SPTLC1: variants seen among roughly 807,000 people sequenced by gnomAD.
SPTLC1 encodes the protein serine palmitoyltransferase 1.
A neutral mutation model predicts 68.9 loss-of-function variants in SPTLC1; 55 were observed. The ratio of observed to expected loss-of-function variants is 0.80; its 90% CI spans 0.64 to 1.00. SPTLC1 has a LOEUF of 1.00. SPTLC1 is among the 50% of genes least tolerant of loss of function. The pLI is 0.00. For missense variants in SPTLC1, 449 were observed against 573.1 expected (o/e 0.78, Z 2.21); for synonymous variants, 197 against 201.6 (o/e 0.98, Z 0.19).
chr9:92,115,201 C>G, intron 1 of SPTLC1, 113 bp downstream of exon 1: 1 of 1,048,788 alleles, frequency 9.5e-7, no homozygotes, highest in South Asian at 1.3e-5. Context: ...GGCACCGAGT[C>G]TGGGCGTGAC....
intron 7 of SPTLC1, among the ~76,000 whole-genome samples, chr9:92,057,269 T>C (rs1164159611): frequency 6.6e-6 from 1 of 152,106 alleles, no homozygotes; most frequent in Non-Finnish European, 1.5e-5. Flanking sequence ...GATTTAGTTG[T>C]TTCCTTCATT....
At chr9:92,043,804 C>A (rs1482012446) in intron 12 of SPTLC1, among the ~76,000 whole-genome samples, 2 of 152,178 alleles carry the variant, frequency 1.3e-5, no homozygotes, top group East Asian at 3.8e-4. Flanking sequence ...AGTAATTTTG[C>A]TAGGGTATCA....
At chr9:92,038,449 A>G in intron 12 of SPTLC1, 84 bp from the exon 13 acceptor site, 1 of 891,972 alleles carries the variant, frequency 1.1e-6, no homozygotes, top group East Asian at 2.4e-5. Context: ...AGAAGTCCAC[A>G]ATGTCAAGGC....
chr9:92,060,136 C>G (rs12343647), intron 6 of SPTLC1, among the ~76,000 whole-genome samples: 16,207 of 152,066 alleles, frequency 0.11, 1,845 homozygotes, highest in African/African-American at 0.29. Flanking sequence ...CCGAGTAGGG[C>G]CCCTGAATTG....
chr9:92,073,140 G>A (rs60230478), intron 5 of SPTLC1, among the ~76,000 whole-genome samples: 16,411 of 152,056 alleles, frequency 0.11, 1,910 homozygotes, highest in African/African-American at 0.3. Flanking sequence ...GGCAGGAGCC[G>A]AAGGAAAAGT....
At chr9:92,102,247 T>C (rs1835781092) in intron 3 of SPTLC1, among the ~76,000 whole-genome samples, 1 of 152,248 alleles carries the variant, frequency 6.6e-6, no homozygotes, top group Non-Finnish European at 1.5e-5. Context: ...ATGGAATTCA[T>C]CACCATAAGA....
chr9:92,114,916 C>T (rs1836390504), intron 1 of SPTLC1: 2 of 255,692 alleles, frequency 7.8e-6, no homozygotes, highest in South Asian at 1.1e-4. Flanking sequence ...CCCCAACGAA[C>T]TGTACCGTAG....
intron 3 of SPTLC1, among the ~76,000 whole-genome samples, chr9:92,083,611 A>G (rs1407419110): frequency 2.0e-5 from 3 of 151,970 alleles, no homozygotes; most frequent in African/African-American, 4.8e-5. Context: ...TCTCTGTTTT[A>G]GTACCAGTAC....
At chr9:92,063,544 A>G (rs563741149) in intron 6 of SPTLC1, among the ~76,000 whole-genome samples, 1 of 152,194 alleles carries the variant, frequency 6.6e-6, no homozygotes, top group South Asian at 2.1e-4. Flanking sequence ...AACCAAAGTA[A>G]GTATCAAAAA....
chr9:92,087,300 T>G lies in SPTLC1; in HGVS notation c.261-6337A>C, dbSNP rs556025386. 3.9e-3 allele frequency among the ~76,000 whole-genome samples: 599 copies of G among 152,376 alleles called. 4 individuals are homozygous for G. Among genetic ancestry groups the G allele is most frequent in the Non-Finnish European group, 6.4e-3 (433 of 68,042 alleles). On this transcript the variant is annotated intron_variant, in intron 3 of 14. Coordinates refer to ENST00000262554, the MANE Select transcript of SPTLC1 (RefSeq NM_006415.4). ...ATTGCTTGTGAGGAACTGCGTTCCT[T>G]TGGAGGAGGAGAGGCTCTCTGCTTT...
intron 3 of SPTLC1, among the ~76,000 whole-genome samples, chr9:92,089,548 G>C (rs749702717): frequency 6.6e-6 from 1 of 152,124 alleles, no homozygotes; most frequent in Admixed American, 6.5e-5. Context: ...GCAGAAAAAT[G>C]AAAGACAGAG....
intron 8 of SPTLC1, among the ~76,000 whole-genome samples, chr9:92,051,587 A>T (rs1449653952): frequency 6.6e-6 from 1 of 152,222 alleles, no homozygotes; most frequent in Non-Finnish European, 1.5e-5. Flanking sequence ...CATTTTCGCC[A>T]CCTGTAGTCA....
chr9:92,062,954 C>T (rs1303622056), intron 6 of SPTLC1, among the ~76,000 whole-genome samples: 1 of 152,042 alleles, frequency 6.6e-6, no homozygotes, highest in Non-Finnish European at 1.5e-5. Flanking sequence ...ATAATTTAAG[C>T]TCTTACCTCC....
At chr9:92,104,405 T>G in intron 3 of SPTLC1, 1 of 1,386,634 alleles carries the variant, frequency 7.2e-7, no homozygotes, top group Non-Finnish European at 9.5e-7. Context: ...TCTTTTCCAG[T>G]CAGGTGGGAT....
chr9:92,047,071 C>T, intron 11 of SPTLC1, 101 bp downstream of exon 11: 1 of 1,024,058 alleles, frequency 9.8e-7, no homozygotes, highest in South Asian at 1.3e-5. Context: ...TAACTGCAAA[C>T]CAGTTTTGTC....
intron 3 of SPTLC1, among the ~76,000 whole-genome samples, chr9:92,085,589 G>A (rs1329121699): frequency 1.3e-5 from 2 of 148,160 alleles, no homozygotes; most frequent in African/African-American, 2.5e-5. Flanking sequence ...TAGTTTGATT[G>A]CACTGTGGTC....
At chr9:92,037,407 C>CA (rs1833178777) in intron 13 of SPTLC1, among the ~76,000 whole-genome samples, 1 of 152,196 alleles carries the variant, frequency 6.6e-6, no homozygotes, top group South Asian at 2.1e-4. Context: ...CTCAAAGGAG[C>CA]AGCAGCAGCC....
intron 3 of SPTLC1, chr9:92,104,466 G>A (rs1835880393): frequency 7.1e-7 from 1 of 1,406,872 alleles, no homozygotes; most frequent in Non-Finnish European, 9.5e-7. Flanking sequence ...GCACCCCACA[G>A]AGGGTCCTGC....
chr9:92,060,162 G>A (rs192443307), intron 6 of SPTLC1, among the ~76,000 whole-genome samples: 63 of 152,312 alleles, frequency 4.1e-4, no homozygotes, highest in African/African-American at 1.5e-3. Flanking sequence ...CCTCCTGGCA[G>A]TATGAGGCAG....
Sources: allele counts gnomAD v4.1 joint callset (sites outside exome capture counted in the v4.1 genomes callset), GRCh38; gene constraint gnomAD v4.1.1; transcripts MANE v1.5; gene names NCBI Gene and HGNC (gene_info 2026-07-23, HGNC 2026-07-21).